Variants in ZSWIM4 observed in about 807,000 individuals in gnomAD.
ZSWIM4 encodes zinc finger SWIM-type containing 4.
In ZSWIM4, 62 loss-of-function variants were observed where a neutral mutation model predicts 102.5. That is an observed-to-expected ratio of 0.60 (90% CI 0.49 to 0.75). The LOEUF (loss-of-function observed/expected upper bound fraction) is 0.75, where lower values mean the gene tolerates loss of function less well. Among genes scored for constraint, ZSWIM4 ranks in the 30% least tolerant of loss-of-function variants. ZSWIM4 has a pLI of 0.00. For missense variants in ZSWIM4, 1,280 were observed against 1,529.6 expected (o/e 0.84, Z 2.72); for synonymous variants, 652 against 674.5 (o/e 0.97, Z 0.52).
chr19:13,800,240 ATTTCTTTTTTTTTTTTTTT>A (rs536162750), intron 2 of ZSWIM4, among the ~76,000 whole-genome samples: 520 of 24,138 alleles, frequency 0.022, 13 homozygotes, highest in African/African-American at 0.05. Context: ...AATTTTTTGT[ATTTCTTTTTTTTTTTTTTT>A]TTTTTTTTTT....
intron 2 of ZSWIM4, among the ~76,000 whole-genome samples, chr19:13,803,728 C>G (rs553539656): frequency 2.8e-5 from 4 of 140,572 alleles, no homozygotes; most frequent in African/African-American, 1.1e-4. Flanking sequence ...TCGCTTGAAC[C>G]CAGGAGGCGG....
rs1409476400 is a variant in ZSWIM4 at position 13,809,028 on chromosome 19, C to A, written c.862-42C>A. The stretch of plus-strand genomic sequence containing the variant: ...GGGCGCGGGGTGCAGAAGGCCCCGG[C>A]GGACGCCCCAGCCCTTCCTCACCAC... On this transcript the variant is annotated intron_variant, in intron 4 of 13. Transcript: ENST00000590508. The surrounding 1 kb of genome is among the most constrained non-coding windows in gnomAD (Gnocchi z 4.2). 8.7e-6 allele frequency: 14 copies of A among 1,606,092 alleles called. No individual in the cohort carries two copies. Among genetic ancestry groups the A allele is most frequent in the Non-Finnish European group, 1.1e-5 (13 of 1,174,470 alleles).
chr19:13,809,129 C>T lies in ZSWIM4; in HGVS notation c.921C>T (p.Thr307=), dbSNP rs751779396. The T allele has an allele frequency of 3.7e-6, 6 of 1,613,848 alleles. No homozygotes were observed. In the South Asian group the frequency reaches 5.5e-5, roughly 15 times the overall value. The change falls in exon 5 of 14, where the codon ACC becomes ACT. Residue 307 remains threonine, a synonymous_variant. Transcript: ENST00000590508. The surrounding 1 kb of genome is among the most constrained non-coding windows in gnomAD (Gnocchi z 4.2). Reference sequence around the variant, plus strand: ...GGGCGCGCATGCTGATTCTCATGACCGAGCAGTTCCTGCAGGACACGCGCC... The same window carrying T: ...GGGCGCGCATGCTGATTCTCATGACTGAGCAGTTCCTGCAGGACACGCGCC... ...SNGARMLILM[T]EQFLQDTRLA...
intron 11 of ZSWIM4, 50 bp downstream of exon 11, chr19:13,823,550 C>T (rs777919964): frequency 2.1e-5 from 32 of 1,535,622 alleles, no homozygotes; most frequent in Non-Finnish European, 2.7e-5. Flanking sequence ...TCTGTCATCT[C>T]CTTCTTCCTT....
rs1974882072 is a variant in ZSWIM4 at position 13,805,068 on chromosome 19, A to G, written c.632A>G (p.His211Arg). The change falls in exon 3 of 14, where the codon CAT (histidine) becomes CGT (arginine). Residue 211 changes from histidine to arginine, a missense_variant. Physicochemically the swap from His to Arg is conservative, Grantham distance 29. Coordinates refer to ENST00000590508, the MANE Select transcript of ZSWIM4 (RefSeq NM_001367834.3). Reference protein sequence around the residue: ...QKFVQYLISAHHTEVLPTAQR... With the variant: ...QKFVQYLISARHTEVLPTAQR... Reference sequence around the variant, plus strand: ...TTCGTGCAGTACCTCATCAGCGCCCATCACACTGAGGTGCTGCCCACTGCT... The same window carrying G: ...TTCGTGCAGTACCTCATCAGCGCCCGTCACACTGAGGTGCTGCCCACTGCT... 1.2e-6 allele frequency: 2 copies of G among 1,608,594 alleles called. No individual in the cohort carries two copies. The highest frequency in any genetic ancestry group is 1.1e-5 in the South Asian group (1 of 91,078).
intron 12 of ZSWIM4, among the ~76,000 whole-genome samples, chr19:13,826,902 G>A (rs921969807): frequency 6.6e-6 from 1 of 152,094 alleles, no homozygotes; most frequent in African/African-American, 2.4e-5. Context: ...GGTAGGGTGT[G>A]AGTGCCATGG....
intron 1 of ZSWIM4, among the ~76,000 whole-genome samples, chr19:13,798,649 T>C (rs1217355986): frequency 6.6e-6 from 1 of 152,148 alleles, no homozygotes; most frequent in Non-Finnish European, 1.5e-5. Flanking sequence ...GCATATTTAG[T>C]CTCCACAATC....
At chr19:13,796,818 C>G (rs541187647) in intron 1 of ZSWIM4, 2 of 152,442 alleles carry the variant, frequency 1.3e-5, no homozygotes, top group African/African-American at 4.8e-5. Context: ...CACACACGGG[C>G]TCTATCCTCT....
At chr19:13,826,448 C>G (rs2145374693) in intron 12 of ZSWIM4, among the ~76,000 whole-genome samples, 1 of 152,164 alleles carries the variant, frequency 6.6e-6, no homozygotes, top group East Asian at 1.9e-4. Context: ...GAGATGCCAA[C>G]TCTAGGGGTG....
intron 1 of ZSWIM4, among the ~76,000 whole-genome samples, chr19:13,796,418 T>A (rs1020792500): frequency 3.9e-5 from 6 of 152,088 alleles, no homozygotes; most frequent in Non-Finnish European, 8.8e-5. Context: ...CTCTCCAGAT[T>A]CCAGCTCAAG....
intron 2 of ZSWIM4, among the ~76,000 whole-genome samples, chr19:13,801,656 T>C (rs1298059429): frequency 1.3e-5 from 2 of 148,792 alleles, no homozygotes; most frequent in Admixed American, 6.7e-5. Flanking sequence ...GAATGTAGAG[T>C]AGAAGTTTAG....
intron 10 of ZSWIM4, 33 bp downstream of exon 10, chr19:13,819,525 G>A: frequency 6.4e-7 from 1 of 1,556,324 alleles, no homozygotes; most frequent in African/African-American, 1.4e-5. Context: ...GTGGCAGGGG[G>A]AGCTGGGGGG....
intron 1 of ZSWIM4, 146 bp downstream of exon 1, chr19:13,795,947 G>C: frequency 2.5e-6 from 1 of 404,196 alleles, no homozygotes; most frequent in Non-Finnish European, 3.6e-6. Context: ...CCTTAACCCT[G>C]CCTGGAAACA....
rs1975016412 is a variant in ZSWIM4 at position 13,809,505 on chromosome 19, CAG to C, written c.1012+286_1012+287del. Among the ~76,000 whole-genome samples, 1 of 152,216 alleles carries C rather than the reference CAG, an allele frequency of 6.6e-6. No homozygotes were observed. Among genetic ancestry groups the C allele is most frequent in the Non-Finnish European group, 1.5e-5 (1 of 68,038 alleles). Reference sequence around the variant, plus strand: ...TACACACGTTTTCTTTGTTTTGAGACAGGGTATCACTCTGTTGCCCAGGCTGG... The same window carrying C: ...TACACACGTTTTCTTTGTTTTGAGACGGTATCACTCTGTTGCCCAGGCTGG... On this transcript the variant is annotated intron_variant, in intron 5 of 13. Transcript: ENST00000590508. The surrounding 1 kb of genome is among the most constrained non-coding windows in gnomAD (Gnocchi z 4.2).
rs1974583065 is a variant in ZSWIM4, at chr19:13,795,479, T to A, written c.-170T>A. 1 of 204,562 alleles carries A rather than the reference T, an allele frequency of 4.9e-6. No individual in the cohort carries two copies. 12.7% of individuals were successfully genotyped at this position (204,562 alleles called of 1,614,324 possible). A position where few individuals can be genotyped will look rare whatever the true frequency, so the allele number is the denominator to read the frequency against. ...GAGTCTTAAAGGGGCCGCATCACCC[T>A]GCCGGCCCGGCGCGGGTCGGGGGTG... On this transcript the variant is annotated 5_prime_UTR_variant, in exon 1 of 14. Transcript: ENST00000590508.
chr19:13,817,786 G>A lies in ZSWIM4; in HGVS notation c.1734G>A (p.Glu578=). ...TGCCTGTGCCCGGGAGCCCTGGGGA[G>A]TCCTACTTGGTGCTGGCGCTGGAGG... The part of the protein sequence containing the change: ...QHVPVPGSPG[E]SYLVLALEVA... The change falls in exon 9 of 14, where the codon GAG becomes GAA. Residue 578 remains glutamate, a synonymous_variant. Transcript: ENST00000590508. The A allele has an allele frequency of 6.3e-7, 1 of 1,597,596 alleles. No homozygotes were observed. Among genetic ancestry groups the A allele is most frequent in the Non-Finnish European group, 8.5e-7 (1 of 1,173,546 alleles).
At chr19:13,808,581 C>CA (rs1010998954) in intron 3 of ZSWIM4, among the ~76,000 whole-genome samples, 44 of 151,298 alleles carry the variant, frequency 2.9e-4, no homozygotes, top group Non-Finnish European at 5.6e-4. Context: ...ACTAAAAATA[C>CA]AAAAAAAATT....
intron 12 of ZSWIM4, among the ~76,000 whole-genome samples, chr19:13,826,896 G>A (rs1014857487): frequency 6.6e-6 from 1 of 152,162 alleles, no homozygotes; most frequent in African/African-American, 2.4e-5. Context: ...GTCATTGGTA[G>A]GGTGTGAGTG....
chr19:13,808,103 C>T (rs974588169), intron 3 of ZSWIM4, among the ~76,000 whole-genome samples: 2 of 151,990 alleles, frequency 1.3e-5, no homozygotes, highest in Non-Finnish European at 2.9e-5. Flanking sequence ...CATGAGAACT[C>T]TATCATGAGA....
Sources: gnomAD v4.1 joint callset for allele counts (sites outside exome capture counted in the v4.1 genomes callset) on GRCh38, gnomAD v4.1.1 for gene constraint, Gnocchi (gnomAD v3.1) non-coding constraint, MANE v1.5 for transcripts, NCBI Gene and HGNC (gene_info 2026-07-23, HGNC 2026-07-21) for gene names.